AVIL: variants seen among roughly 807,000 people sequenced by gnomAD.
AVIL encodes advillin.
In AVIL, 78 loss-of-function variants were observed where a neutral mutation model predicts 109.9. The ratio of observed to expected loss-of-function variants is 0.71; its 90% CI spans 0.59 to 0.86. AVIL has a LOEUF of 0.86. Ranked by LOEUF, AVIL falls within the 40% of genes least tolerant of loss-of-function variation. The pLI, the probability that AVIL is intolerant of heterozygous loss-of-function variation, is 0.00. For synonymous variants in AVIL, 367 were observed against 379.1 expected (o/e 0.97, Z 0.37); for missense variants, 892 against 1,016.5 (o/e 0.88, Z 1.67).
chr12:57,808,514 G>C lies in AVIL; in HGVS notation c.974C>G (p.Thr325Ser), dbSNP rs756710589. The C allele has an allele frequency of 6.2e-7, 1 of 1,614,140 alleles. No individual in the cohort carries two copies. Among genetic ancestry groups the C allele is most frequent in the Non-Finnish European group, 8.5e-7 (1 of 1,180,024 alleles). ...FIKMKSYPSS[T>S]NVETVNDGAE... The stretch of plus-strand genomic sequence containing the variant: ...ACCATCGTTGACGGTCTCCACATTG[G>C]TGCTGCTGGGGTAGCTCTTCATCTT... The change falls in exon 10 of 20, where the codon ACC (threonine) becomes AGC (serine). Residue 325 changes from threonine to serine, a missense_variant. Coordinates refer to ENST00000549994, the MANE Select transcript of AVIL (RefSeq NM_006576.4).
At chr12:57,816,184 C>G (rs1447050738) in intron 1 of AVIL, 125 bp from the exon 2 acceptor site, 1 of 724,124 alleles carries the variant, frequency 1.4e-6, no homozygotes, top group Admixed American at 3.1e-5. Flanking sequence ...ATGGTGCATC[C>G]CTGCACCATT....
intron 1 of AVIL, among the ~76,000 whole-genome samples, chr12:57,817,486 T>A (rs903288912): frequency 6.6e-6 from 1 of 151,930 alleles, no homozygotes; most frequent in Non-Finnish European, 1.5e-5. Flanking sequence ...TTTAATTTGA[T>A]AACTTGTGCT....
At chr12:57,810,730 G>C in intron 6 of AVIL, 86 bp downstream of exon 6, 1 of 1,476,774 alleles carries the variant, frequency 6.8e-7, no homozygotes. Context: ...CAAAGGCAGG[G>C]CTCCACCTTG....
chr12:57,807,465 G>T lies in AVIL; in HGVS notation c.1357C>A (p.Leu453Met), dbSNP rs755959349. ...ACTGCCTGGTATGCTGAGGCTGCCA[G>T]CTCATCCTGTGAGGCGTGGCGGCCC... ...WQGRHASQDE[L>M]AASAYQAVEV... The change falls in exon 13 of 20, where the codon CTG (leucine) becomes ATG (methionine). Residue 453 changes from leucine to methionine, a missense_variant. Coordinates refer to ENST00000549994, the MANE Select transcript of AVIL (RefSeq NM_006576.4). 6.2e-7 allele frequency: 1 copy of T among 1,614,250 alleles called. No individual in the cohort carries two copies.
At chr12:57,814,493 C>A in intron 2 of AVIL, 1 of 430,854 alleles carries the variant, frequency 2.3e-6, no homozygotes, top group Non-Finnish European at 4.3e-6. Context: ...ACTTCCCACC[C>A]GATCTCATCT....
chr12:57,798,084 T>G, intron 19 of AVIL, 89 bp from the exon 20 acceptor site: 1 of 831,496 alleles, frequency 1.2e-6, no homozygotes, highest in South Asian at 1.9e-5. Flanking sequence ...GAGGGAGTTC[T>G]AGGTGGATCC....
At chr12:57,801,337 G>A in intron 17 of AVIL, 125 bp from the exon 18 acceptor site, 1 of 735,558 alleles carries the variant, frequency 1.4e-6, no homozygotes, top group South Asian at 1.8e-5. Context: ...TCAAGGATAA[G>A]TAAAAATGAA....
chr12:57,799,682 T>G (rs1955806766), intron 19 of AVIL, 113 bp downstream of exon 19: 6 of 1,449,042 alleles, frequency 4.1e-6, no homozygotes, highest in Non-Finnish European at 5.6e-6. Flanking sequence ...GTAGCTCAGA[T>G]GTCCATTGAG....
intron 14 of AVIL, chr12:57,804,153 A>T (rs1187212473): frequency 6.5e-6 from 1 of 153,870 alleles, no homozygotes; most frequent in Non-Finnish European, 1.4e-5. Context: ...TGAATCCTTA[A>T]CCTCTGGTAA....
chr12:57,803,967 T>A (rs1055627097), intron 14 of AVIL: 1 of 275,258 alleles, frequency 3.6e-6, no homozygotes, highest in Non-Finnish European at 6.8e-6. Context: ...AGAGAAAAAA[T>A]TTAAATTTAT....
intron 14 of AVIL, 132 bp from the exon 15 acceptor site, chr12:57,803,801 G>T: frequency 7.9e-7 from 1 of 1,264,290 alleles, no homozygotes; most frequent in Non-Finnish European, 1.1e-6. Context: ...AGCCTGGGAA[G>T]ACAGACAAGT....
Position 57,807,602 on chromosome 12 carries a change from C to T in AVIL, c.1320G>A (p.Leu440=). 1.2e-6 allele frequency: 2 copies of T among 1,614,232 alleles called. No homozygotes were observed. Among genetic ancestry groups the T allele is most frequent in the Non-Finnish European group, 8.5e-7 (1 of 1,180,044 alleles). Residue 440 remains leucine, a synonymous_variant, in exon 12 of 20, where the codon TTG becomes TTA. Transcript: ENST00000549994. ...YEVNGKPHHI[L]YIWQGRHASQ... ...GTGCCAGGCCTACCTGCCAGATGTACAAGATGTGATGTGGCTTCCCATTTA... is the reference window on the plus strand; with the variant it reads ...GTGCCAGGCCTACCTGCCAGATGTATAAGATGTGATGTGGCTTCCCATTTA...
At chr12:57,803,843 CAG>C (rs754346466) in intron 14 of AVIL, 174 bp from the exon 15 acceptor site, 2 of 856,208 alleles carry the variant, frequency 2.3e-6, no homozygotes, top group Non-Finnish European at 3.5e-6. Context: ...GGGAGGAAAA[CAG>C]TGTGGGGCAA....
chr12:57,806,646 G>T, intron 13 of AVIL, 107 bp from the exon 14 acceptor site: 1 of 1,297,158 alleles, frequency 7.7e-7, no homozygotes, highest in South Asian at 1.4e-5. Flanking sequence ...GTTTGCCCTT[G>T]AGGAGCTTCT....
chr12:57,813,332 T>C lies in AVIL; in HGVS notation c.233A>G (p.Tyr78Cys), dbSNP rs142283697. 1.9e-6 allele frequency: 3 copies of C among 1,613,996 alleles called. No homozygotes were observed. Among genetic ancestry groups the C allele is most frequent in the South Asian group, 1.1e-5 (1 of 91,084 alleles). The change falls in exon 4 of 20, where the codon TAT becomes TGT. Residue 78 changes from tyrosine (Y) to cysteine (C), a missense_variant. Transcript: ENST00000549994. ...CAGGTAGTCGTCCAGCTGTGTGGTA[T>C]ATATGGCTGCGCAGCTTTGCTCATC... ...SQDEQSCAAI[Y>C]TTQLDDYLGG...
At chr12:57,801,255 T>A in intron 17 of AVIL, 43 bp from the exon 18 acceptor site, 1 of 1,534,736 alleles carries the variant, frequency 6.5e-7, no homozygotes, top group Non-Finnish European at 9.0e-7. Context: ...GTCTTTCTTA[T>A]AGGGGAGGGA....
intron 2 of AVIL, chr12:57,814,466 GC>G: frequency 2.0e-6 from 1 of 502,062 alleles, no homozygotes; most frequent in Non-Finnish European, 3.6e-6. Flanking sequence ...GCTTTCCCTT[GC>G]CCTATTCTCC....
chr12:57,809,045 G>C (rs999106103), intron 9 of AVIL: 1 of 167,866 alleles, frequency 6.0e-6, no homozygotes, highest in African/African-American at 2.4e-5. Context: ...CTCTCACCTA[G>C]GCTGGAGTGC....
intron 1 of AVIL, 139 bp downstream of exon 1, chr12:57,818,490 T>C (rs1167156663): frequency 6.6e-6 from 1 of 152,180 alleles, no homozygotes; most frequent in East Asian, 1.9e-4. Flanking sequence ...TTTGCAAAAC[T>C]GGCCAGCCAG....
Sources: allele counts gnomAD v4.1 joint callset (sites outside exome capture counted in the v4.1 genomes callset), GRCh38; gene constraint gnomAD v4.1.1; transcripts MANE v1.5; gene names NCBI Gene and HGNC (gene_info 2026-07-23, HGNC 2026-07-21).